Variants in DDR2 observed in about 807,000 individuals in gnomAD.
The protein encoded by DDR2 is discoidin domain receptor tyrosine kinase 2.
DDR2 carries 27 observed loss-of-function variants against 94.9 expected under a neutral mutation model. The observed-to-expected ratio is 0.28, with a 90% CI of 0.21 to 0.39. DDR2 has a LOEUF of 0.39. Ranked by LOEUF, DDR2 falls within the 10% of genes least tolerant of loss-of-function variation. The pLI, the probability that DDR2 is intolerant of heterozygous loss-of-function variation, is 1.00. For missense variants in DDR2, 783 were observed against 1,076.0 expected, an observed-to-expected ratio of 0.73 and a Z score of 3.81; for synonymous variants, 382 against 377.2, an observed-to-expected ratio of 1.01 and a Z score of -0.15.
chr1:162,761,604 C>G, intron 9 of DDR2, 150 bp downstream of exon 9: 1 of 1,276,198 alleles, frequency 7.8e-7, no homozygotes. Context: ...CTTTGTGTGA[C>G]TAGTTTTAAC....
intron 2 of DDR2, among the ~76,000 whole-genome samples, chr1:162,655,876 G>A (rs988382): frequency 0.92 from 139,485 of 152,268 alleles, 64,433 homozygotes; most frequent in Middle Eastern, 0.98. Flanking sequence ...CTACAACCAG[G>A]ATAATAGTAC....
chr1:162,780,065 TTCTC>T lies in DDR2; in HGVS notation c.2434-33_2434-30del, dbSNP rs555765842. The T allele has an allele frequency of 5.1e-5, 80 of 1,577,534 alleles. No individual in the cohort carries two copies. The highest frequency in any genetic ancestry group is 1.7e-4 in the Middle Eastern group (1 of 5,938). ...TTCCCTTTCCCCCGTCTTTGTAATA[TTCTC>T]TCTCTCTCTCTCTTTTGTTTTCCTT... On this transcript the variant is annotated intron_variant, in intron 17 of 17. Coordinates refer to ENST00000367921, the MANE Select transcript of DDR2 (RefSeq NM_006182.4).
At chr1:162,759,320 C>T (rs1252381369) in intron 7 of DDR2, among the ~76,000 whole-genome samples, 4 of 152,112 alleles carry the variant, frequency 2.6e-5, no homozygotes, top group Non-Finnish European at 5.9e-5. Context: ...GGAGAGTCAG[C>T]ACCAAGCTCT....
intron 9 of DDR2, among the ~76,000 whole-genome samples, chr1:162,763,961 C>T (rs4038296): frequency 0.053 from 8,011 of 152,238 alleles, 400 homozygotes; most frequent in Admixed American, 0.15. Context: ...TTACTAGCAA[C>T]GTAACTATTG....
intron 4 of DDR2, 70 bp downstream of exon 4, chr1:162,753,267 C>T (rs893500916): frequency 9.2e-6 from 13 of 1,414,896 alleles, no homozygotes; most frequent in Non-Finnish European, 1.2e-5. Context: ...AGATTCCTGA[C>T]CCTAGGGGCT....
intron 2 of DDR2, among the ~76,000 whole-genome samples, chr1:162,665,196 C>T (rs1248787828): frequency 1.3e-5 from 2 of 152,160 alleles, no homozygotes; most frequent in African/African-American, 2.4e-5. Context: ...TTCCTGGGGA[C>T]AGAATGTTCA....
At chr1:162,747,058 G>T (rs1224484087) in intron 3 of DDR2, among the ~76,000 whole-genome samples, 3 of 152,190 alleles carry the variant, frequency 2.0e-5, no homozygotes, top group Admixed American at 6.5e-5. Flanking sequence ...CAAAGATGGG[G>T]AGAAACCAGA....
At chr1:162,747,696 T>A (rs887656492) in intron 3 of DDR2, among the ~76,000 whole-genome samples, 5 of 151,888 alleles carry the variant, frequency 3.3e-5, no homozygotes, top group African/African-American at 9.7e-5. Flanking sequence ...GACACATAAT[T>A]GTCAGATTCA....
intron 7 of DDR2, among the ~76,000 whole-genome samples, chr1:162,759,241 T>C (rs1020644495): frequency 3.3e-5 from 5 of 152,152 alleles, no homozygotes; most frequent in Admixed American, 3.3e-4. Context: ...GTTGGATATG[T>C]GGAATAGAAG....
chr1:162,760,510 ATATATAT>A lies in DDR2; in HGVS notation c.855+532_855+538del, dbSNP rs1558070669. Among the ~76,000 whole-genome samples, 10 of 59,498 alleles carry A rather than the reference ATATATAT, an allele frequency of 1.7e-4. 2 individuals carry two copies. Among genetic ancestry groups the A allele is most frequent in the South Asian group, 5.8e-4 (1 of 1,724 alleles). 39.0% of individuals were successfully genotyped at this position (59,498 alleles called of 152,430 possible). A position where few individuals can be genotyped will look rare whatever the true frequency, so the allele number is the denominator to read the frequency against. ...TATATATGTATATACATATACAACT[ATATATAT>A]GTATATACATATACAACTAGATATA... On this transcript the variant is annotated intron_variant, in intron 8 of 17. Transcript: ENST00000367921.
chr1:162,770,600 A>G (rs1237889842), intron 12 of DDR2, 88 bp downstream of exon 12: 1 of 1,289,914 alleles, frequency 7.8e-7, no homozygotes, highest in Non-Finnish European at 1.1e-6. Flanking sequence ...AGTTCATTGC[A>G]TCTATTTTTA....
At chr1:162,741,248 A>ATAGTG (rs1662591137) in intron 3 of DDR2, among the ~76,000 whole-genome samples, 2 of 120,806 alleles carry the variant, frequency 1.7e-5, no homozygotes, top group Non-Finnish European at 1.7e-5. Flanking sequence ...ATAATATAGT[A>ATAGTG]TAATGTAATG....
In DDR2 at chr1:162,777,480, AG is replaced by A. The variant is rs1244202691; in HGVS notation, c.2284-1099del. On this transcript the variant is annotated intron_variant, in intron 16 of 17. Coordinates refer to ENST00000367921, the MANE Select transcript of DDR2 (RefSeq NM_006182.4). ...TATGAATGATGCTGTGATGTACACC[AG>A]TTTACATAAATCCTTATAAAGATCT... is the stretch of plus-strand genomic sequence containing the variant. Among the ~76,000 whole-genome samples, 8 of 1,086 alleles carry A rather than the reference AG, an allele frequency of 7.4e-3. No homozygotes were observed. The Non-Finnish European group carries it at 0.2, about 27-fold the overall frequency. 0.7% of individuals were successfully genotyped at this position (1,086 alleles called of 152,430 possible).
intron 14 of DDR2, among the ~76,000 whole-genome samples, chr1:162,773,879 G>C (rs754840908): frequency 2.6e-5 from 4 of 152,168 alleles, no homozygotes; most frequent in Non-Finnish European, 5.9e-5. Context: ...ATATACAACT[G>C]TCTAAATGTG....
intron 3 of DDR2, among the ~76,000 whole-genome samples, chr1:162,730,085 T>TTTTTTA (rs1376212753): frequency 6.9e-6 from 1 of 145,018 alleles, no homozygotes. Context: ...ATCTAAATGA[T>TTTTTTA]GCCATGTGAG....
At chr1:162,745,315 G>A (rs754590308) in intron 3 of DDR2, among the ~76,000 whole-genome samples, 7 of 152,006 alleles carry the variant, frequency 4.6e-5, no homozygotes, top group South Asian at 2.1e-4. Context: ...TTTGCTGTGC[G>A]GAAGTTTTTG....
intron 2 of DDR2, among the ~76,000 whole-genome samples, chr1:162,690,012 T>C (rs1392020060): frequency 3.7e-4 from 52 of 140,104 alleles, no homozygotes; most frequent in Non-Finnish European, 3.1e-5. Context: ...CAAGACAATG[T>C]CAAAAAAAAA....
At chr1:162,664,962 G>T (rs1440927889) in intron 2 of DDR2, among the ~76,000 whole-genome samples, 1 of 152,060 alleles carries the variant, frequency 6.6e-6, no homozygotes, top group Non-Finnish European at 1.5e-5. Context: ...ATAAAAAATG[G>T]TAAGTTTGCT....
chr1:162,732,271 T>C (rs1662091727), intron 3 of DDR2, among the ~76,000 whole-genome samples: 1 of 152,196 alleles, frequency 6.6e-6, no homozygotes, highest in Non-Finnish European at 1.5e-5. Context: ...GGCCCCCCTG[T>C]GGAATCCCAT....
Sources: gnomAD v4.1 joint callset for allele counts (sites outside exome capture counted in the v4.1 genomes callset) on GRCh38, gnomAD v4.1.1 for gene constraint, MANE v1.5 for transcripts, NCBI Gene and HGNC (gene_info 2026-07-23, HGNC 2026-07-21) for gene names.